The following RPRD2 variants were observed in gnomAD, a reference collection of about 807,000 sequenced individuals.
RPRD2 encodes the protein regulation of nuclear pre-mRNA domain containing 2.
A neutral mutation model predicts 104.4 loss-of-function variants in RPRD2; 12 were observed. That is an observed-to-expected ratio of 0.11 (90% CI 0.07 to 0.19). The LOEUF is 0.19. Among genes scored for constraint, RPRD2 ranks in the 10% least tolerant of loss-of-function variants. The pLI is 1.00. For missense variants in RPRD2, 1,543 were observed against 1,790.1 expected, an observed-to-expected ratio of 0.86 and a Z score of 2.49; for synonymous variants, 714 against 684.9, an observed-to-expected ratio of 1.04 and a Z score of -0.66.
At chr1:150,377,537 G>A (rs1055824774) in intron 1 of RPRD2, among the ~76,000 whole-genome samples, 1 of 150,952 alleles carries the variant, frequency 6.6e-6, no homozygotes, top group Admixed American at 6.6e-5. Flanking sequence ...GACAGAGCTG[G>A]CAGTGAGCCG....
intron 2 of RPRD2, among the ~76,000 whole-genome samples, chr1:150,432,194 A>T (rs1380356955): frequency 6.1e-5 from 9 of 147,694 alleles, no homozygotes; most frequent in African/African-American, 2.2e-4. Flanking sequence ...AAAAAAAAAG[A>T]AAGAAAAGTC....
At chr1:150,397,430 T>G (rs1487911762) in intron 1 of RPRD2, among the ~76,000 whole-genome samples, 2 of 152,178 alleles carry the variant, frequency 1.3e-5, no homozygotes, top group African/African-American at 4.8e-5. Flanking sequence ...GCCACCACAA[T>G]TAACATATAG....
rs1459541642 is a variant in RPRD2, at chr1:150,364,638, T to C, written c.-77T>C. On this transcript the variant is annotated 5_prime_UTR_variant, in exon 1 of 11. Transcript: ENST00000369068. ...ACCTACGGCTTTCACGCACTCGCAG[T>C]GATTGTTTTGCCCGCTCCCGCCGCC... 1.7e-5 allele frequency: 12 copies of C among 713,250 alleles called. No individual in the cohort carries two copies. The highest frequency in any genetic ancestry group is 5.8e-5 in the Admixed American group (2 of 34,382). The allele number at this position is 713,250 out of a possible 1,614,324, so 44.2% of individuals were successfully genotyped here.
intron 10 of RPRD2, among the ~76,000 whole-genome samples, chr1:150,468,953 AT>A (rs66474269): frequency 0.23 from 33,474 of 144,732 alleles, 4,237 homozygotes; most frequent in African/African-American, 0.33. Context: ...AAACATGCCG[AT>A]TTTTTTTTTT....
intron 1 of RPRD2, among the ~76,000 whole-genome samples, chr1:150,388,110 G>A (rs1337056000): frequency 1.3e-5 from 2 of 151,248 alleles, no homozygotes; most frequent in African/African-American, 2.4e-5. Flanking sequence ...TAGAGACGGG[G>A]TCTCACTATG....
At chr1:150,413,202 T>G (rs1553887995) in intron 1 of RPRD2, among the ~76,000 whole-genome samples, 3 of 152,038 alleles carry the variant, frequency 2.0e-5, no homozygotes, top group Non-Finnish European at 2.9e-5. Flanking sequence ...GGCTAGAGTT[T>G]GGAGATTTAT....
chr1:150,440,077 C>T (rs896258438), intron 2 of RPRD2, among the ~76,000 whole-genome samples: 8 of 152,052 alleles, frequency 5.3e-5, no homozygotes, highest in African/African-American at 1.2e-4. Flanking sequence ...TCCCATGTAG[C>T]GGGTACTACA....
chr1:150,386,708 A>G (rs769623165), intron 1 of RPRD2, among the ~76,000 whole-genome samples: 8 of 152,194 alleles, frequency 5.3e-5, no homozygotes, highest in Non-Finnish European at 1.0e-4. Context: ...GAGAACCACA[A>G]GAGATCACTT....
At chr1:150,409,452 T>C (rs2102247627) in intron 1 of RPRD2, among the ~76,000 whole-genome samples, 1 of 152,132 alleles carries the variant, frequency 6.6e-6, no homozygotes. Context: ...GCCAACTAAG[T>C]GTTAAGCACT....
At chr1:150,371,870 A>G (rs1473280584) in intron 1 of RPRD2, among the ~76,000 whole-genome samples, 1 of 152,200 alleles carries the variant, frequency 6.6e-6, no homozygotes, top group Non-Finnish European at 1.5e-5. Context: ...TTTAGACTAT[A>G]TAGATTAACT....
chr1:150,474,360 TCTTC>T lies in RPRD2; in HGVS notation c.*1030_*1033del, dbSNP rs1436465908. On this transcript the variant is annotated 3_prime_UTR_variant, in exon 11 of 11. Coordinates refer to ENST00000369068, the MANE Select transcript of RPRD2 (RefSeq NM_015203.5). ...TTAAAGAAAGAAATATTTGTCTTTA[TCTTC>T]CTTTTCCCCTTGCCTCAGTCGTGTT... is the stretch of plus-strand genomic sequence containing the variant. 2.0e-5 allele frequency: 3 copies of T among 152,224 alleles called. No homozygotes were observed. The highest frequency in any genetic ancestry group is 4.4e-5 in the Non-Finnish European group (3 of 68,040). The allele number at this position is 152,224 out of a possible 1,614,324, so 9.4% of individuals were successfully genotyped here. A position where few individuals can be genotyped will look rare whatever the true frequency, so the allele number is the denominator to read the frequency against.
chr1:150,427,498 G>T (rs186622049), intron 2 of RPRD2, among the ~76,000 whole-genome samples: 53 of 150,958 alleles, frequency 3.5e-4, no homozygotes, highest in African/African-American at 1.2e-3. Flanking sequence ...GAAAAGAAAA[G>T]AAAATGTTAA....
rs1659730232 is a variant in RPRD2, at chr1:150,365,035, A to C, written c.205+116A>C. 8.4e-6 allele frequency: 9 copies of C among 1,073,596 alleles called. No individual in the cohort carries two copies. The South Asian group carries it at 1.3e-4, about 15-fold the overall frequency. The allele number at this position is 1,073,596 out of a possible 1,614,324, so 66.5% of individuals were successfully genotyped here. A position where few individuals can be genotyped will look rare whatever the true frequency, so the allele number is the denominator to read the frequency against. ...GCATTTGGTTGGGGTTGTTCACATT[A>C]AAGGTTTGACCCCAGTGGTCCCAAA... On this transcript the variant is annotated intron_variant, in intron 1 of 10. Transcript: ENST00000369068.
intron 1 of RPRD2, among the ~76,000 whole-genome samples, chr1:150,389,125 C>G (rs1330248981): frequency 2.0e-5 from 3 of 152,258 alleles, no homozygotes; most frequent in Non-Finnish European, 4.4e-5. Context: ...CAGCCTCGAC[C>G]TCTCGGGTCT....
chr1:150,379,088 C>T (rs1553880196), intron 1 of RPRD2, among the ~76,000 whole-genome samples: 1 of 150,696 alleles, frequency 6.6e-6, no homozygotes, highest in Non-Finnish European at 1.5e-5. Flanking sequence ...CAAGACCAGC[C>T]TGGCCAACAT....
At chr1:150,432,066 T>TA (rs1275558544) in intron 2 of RPRD2, among the ~76,000 whole-genome samples, 5 of 150,476 alleles carry the variant, frequency 3.3e-5, no homozygotes, top group African/African-American at 7.3e-5. Context: ...AACTGTACAC[T>TA]AAAAAAATGG....
At chr1:150,398,819 A>G (rs1402249874) in intron 1 of RPRD2, among the ~76,000 whole-genome samples, 1 of 152,164 alleles carries the variant, frequency 6.6e-6, no homozygotes, top group Non-Finnish European at 1.5e-5. Context: ...CTGTGGTTAC[A>G]GGCATGAGAC....
chr1:150,426,927 A>G (rs1665170418), intron 2 of RPRD2, among the ~76,000 whole-genome samples: 1 of 151,540 alleles, frequency 6.6e-6, no homozygotes, highest in African/African-American at 2.4e-5. Flanking sequence ...CGAGTGGATC[A>G]TGAGGTCAGG....
chr1:150,443,120 G>A (rs1207345625), intron 4 of RPRD2, 111 bp from the exon 5 acceptor site: 18 of 658,554 alleles, frequency 2.7e-5, no homozygotes, highest in Non-Finnish European at 4.3e-5. Context: ...ACTTAAATGT[G>A]CATGTTTGCC....
Sources: gnomAD v4.1 joint callset for allele counts (sites outside exome capture counted in the v4.1 genomes callset) on GRCh38, gnomAD v4.1.1 for gene constraint, MANE v1.5 for transcripts, NCBI Gene and HGNC (gene_info 2026-07-23, HGNC 2026-07-21) for gene names.